ASPRV1: variants seen among roughly 807,000 people sequenced by gnomAD.
ASPRV1 encodes the protein retroviral-like aspartic protease 1.
In ASPRV1, 7 loss-of-function variants were observed where a neutral mutation model predicts 11.0. The observed-to-expected ratio is 0.64, with a 90% CI of 0.36 to 1.20. The LOEUF (loss-of-function observed/expected upper bound fraction) is 1.20. ASPRV1 is among the 50% of genes most tolerant of loss of function. ASPRV1 has a pLI of 0.02. For missense variants in ASPRV1, 299 were observed against 320.0 expected, an observed-to-expected ratio of 0.93 and a Z score of 0.50; for synonymous variants, 136 against 138.4, an observed-to-expected ratio of 0.98 and a Z score of 0.12.
At chr2:69,999,178 C>T in the ASPRV1 span, among the ~76,000 whole-genome samples, 190 of 152,226 alleles carry the variant, frequency 1.2e-3, no homozygotes, top group African/African-American at 4.5e-3. Flanking sequence ...GCAATCGCAA[C>T]GCACTACAGC....
chr2:70,039,883 T>A, the ASPRV1 span, among the ~76,000 whole-genome samples: 6 of 151,998 alleles, frequency 3.9e-5, no homozygotes, highest in African/African-American at 1.5e-4. Flanking sequence ...AAATTCCCAG[T>A]GGGGGAATAG....
At chr2:69,977,245 A>T in the ASPRV1 span, among the ~76,000 whole-genome samples, 36 of 152,246 alleles carry the variant, frequency 2.4e-4, no homozygotes, top group South Asian at 2.5e-3. Context: ...GAACTTTTTT[A>T]AAAAATTATG....
chr2:70,061,929 C>A, the ASPRV1 span, among the ~76,000 whole-genome samples: 1 of 150,578 alleles, frequency 6.6e-6, no homozygotes, highest in Admixed American at 6.6e-5. Context: ...CTCCATTGCA[C>A]TGCAGCCTGG....
chr2:69,963,884 G>C (rs1447402827), upstream of ASPRV1, among the ~76,000 whole-genome samples: 3 of 152,302 alleles, frequency 2.0e-5, no homozygotes, highest in African/African-American at 7.2e-5. Context: ...GCTGGGCTGA[G>C]AGAGGTATAG....
the ASPRV1 span, among the ~76,000 whole-genome samples, chr2:70,040,566 T>C: frequency 3.3e-5 from 5 of 152,264 alleles, no homozygotes; most frequent in South Asian, 1.0e-3. Flanking sequence ...CTGGGCACGG[T>C]GGCTCACGCC....
the ASPRV1 span, among the ~76,000 whole-genome samples, chr2:69,968,228 G>T: frequency 1.3e-5 from 2 of 151,786 alleles, no homozygotes; most frequent in South Asian, 4.2e-4. Context: ...TTTTTTAAAA[G>T]GTGCTTTAAA....
At chr2:69,971,547 CAAT>C in the ASPRV1 span, among the ~76,000 whole-genome samples, 1 of 152,108 alleles carries the variant, frequency 6.6e-6, no homozygotes, top group Non-Finnish European at 1.5e-5. Flanking sequence ...TTTAAAAACA[CAAT>C]AAGAATGAAT....
the ASPRV1 span, among the ~76,000 whole-genome samples, chr2:70,036,106 G>C: frequency 7.3e-5 from 11 of 151,718 alleles, no homozygotes; most frequent in African/African-American, 2.7e-4. Context: ...CTGTCTCTTA[G>C]AGATGAATTT....
chr2:70,000,788 C>CAAAAAAAAA, the ASPRV1 span, among the ~76,000 whole-genome samples: 26 of 42,040 alleles, frequency 6.2e-4, no homozygotes, highest in East Asian at 2.1e-3. Flanking sequence ...GACCCTGCCT[C>CAAAAAAAAA]AAAAAAAAAA....
At chr2:70,056,844 C>G in the ASPRV1 span, among the ~76,000 whole-genome samples, 1 of 151,592 alleles carries the variant, frequency 6.6e-6, no homozygotes, top group Non-Finnish European at 1.5e-5. Context: ...AAGTGTTTCT[C>G]CCGTCTCAGC....
the ASPRV1 span, among the ~76,000 whole-genome samples, chr2:69,991,009 T>A: frequency 1.3e-5 from 2 of 152,160 alleles, no homozygotes; most frequent in Non-Finnish European, 2.9e-5. Context: ...GCCAGCCTCC[T>A]CAAACGTGGC....
chr2:69,936,017 T>C, the ASPRV1 span, among the ~76,000 whole-genome samples: 2 of 152,066 alleles, frequency 1.3e-5, no homozygotes, highest in Non-Finnish European at 2.9e-5. Flanking sequence ...TGTTCCCCAA[T>C]TCCCCTTTCT....
At chr2:70,006,328 G>A in the ASPRV1 span, among the ~76,000 whole-genome samples, 1 of 152,188 alleles carries the variant, frequency 6.6e-6, no homozygotes, top group Non-Finnish European at 1.5e-5. Context: ...AGGCCTGGAG[G>A]TCCCACAGTG....
chr2:69,980,263 G>A, the ASPRV1 span, among the ~76,000 whole-genome samples: 53 of 152,290 alleles, frequency 3.5e-4, no homozygotes, highest in African/African-American at 1.3e-3. Flanking sequence ...GCAGGTGATT[G>A]AGAAATCAAA....
chr2:70,029,623 G>C, the ASPRV1 span, among the ~76,000 whole-genome samples: 1 of 152,166 alleles, frequency 6.6e-6, no homozygotes, highest in African/African-American at 2.4e-5. Context: ...TGGTGACAGA[G>C]CAAGACTCCG....
At chr2:70,027,786 G>T in the ASPRV1 span, among the ~76,000 whole-genome samples, 1 of 152,160 alleles carries the variant, frequency 6.6e-6, no homozygotes, top group African/African-American at 2.4e-5. Context: ...GCACACAAGG[G>T]TGACTACAGT....
the ASPRV1 span, among the ~76,000 whole-genome samples, chr2:70,026,832 C>T: frequency 6.3e-3 from 966 of 152,190 alleles, 9 homozygotes; most frequent in African/African-American, 0.022. Context: ...ACATTCTTCA[C>T]AGAAATAGAA....
chr2:70,067,543 T>C, the ASPRV1 span, among the ~76,000 whole-genome samples: 2 of 152,222 alleles, frequency 1.3e-5, no homozygotes, highest in Admixed American at 1.3e-4. Context: ...TGAAATACTA[T>C]CCAGCACCAA....
chr2:70,047,620 T>C, the ASPRV1 span, among the ~76,000 whole-genome samples: 1 of 152,146 alleles, frequency 6.6e-6, no homozygotes, highest in Non-Finnish European at 1.5e-5. Flanking sequence ...TCCCCCGACA[T>C]AGTCACTACA....
Sources: allele counts gnomAD v4.1 joint callset (sites outside exome capture counted in the v4.1 genomes callset), GRCh38; gene constraint gnomAD v4.1.1; transcripts MANE v1.5; gene names NCBI Gene and HGNC (gene_info 2026-07-23, HGNC 2026-07-21).